RANBP2: variants seen among roughly 807,000 people sequenced by gnomAD.
RANBP2 encodes the protein RAN binding protein 2, also known as E3 SUMO-protein ligase RanBP2.
Under a neutral mutation model 303.6 loss-of-function variants are expected in RANBP2, and 57 were observed. The ratio of observed to expected loss-of-function variants is 0.19; its 90% CI spans 0.15 to 0.23. The LOEUF (loss-of-function observed/expected upper bound fraction) is 0.23. Ranked by LOEUF, RANBP2 falls within the 10% of genes least tolerant of loss-of-function variation. RANBP2 has a pLI of 1.00. For missense variants in RANBP2, 3,138 were observed against 3,780.8 expected (o/e 0.83, Z 4.46); for synonymous variants, 1,167 against 1,301.5 (o/e 0.90, Z 2.23).
At chr2:108,748,539 C>G (rs1010603543) in intron 8 of RANBP2, among the ~76,000 whole-genome samples, 4 of 151,978 alleles carry the variant, frequency 2.6e-5, no homozygotes, top group Non-Finnish European at 5.9e-5. Flanking sequence ...TTCTTAAAAG[C>G]TGTTTAAAGG....
the RANBP2 span, among the ~76,000 whole-genome samples, chr2:109,057,995 G>A: frequency 6.6e-6 from 1 of 152,186 alleles, no homozygotes; most frequent in African/African-American, 2.4e-5. Flanking sequence ...GCTGCGGAGG[G>A]GCAGGAGCAG....
chr2:109,360,596 G>T, the RANBP2 span, among the ~76,000 whole-genome samples: 2,753 of 152,232 alleles, frequency 0.018, 80 homozygotes, highest in African/African-American at 0.057. Flanking sequence ...AACACTTTTG[G>T]TCTCAAGCAT....
the RANBP2 span, among the ~76,000 whole-genome samples, chr2:109,295,795 C>T: frequency 6.6e-6 from 1 of 152,118 alleles, no homozygotes; most frequent in Admixed American, 6.5e-5. Context: ...TGGACTCTGG[C>T]CGGCTTTACG....
the RANBP2 span, among the ~76,000 whole-genome samples, chr2:109,042,136 TC>T: frequency 6.6e-6 from 1 of 152,200 alleles, no homozygotes; most frequent in Non-Finnish European, 1.5e-5. Context: ...GTTTAAGCTT[TC>T]TTCATTAAAT....
the RANBP2 span, among the ~76,000 whole-genome samples, chr2:109,275,629 CG>C: frequency 6.6e-6 from 1 of 152,190 alleles, no homozygotes; most frequent in Non-Finnish European, 1.5e-5. Context: ...GCCTGGGGAA[CG>C]GTTGCACTTC....
At chr2:109,262,104 C>T in the RANBP2 span, among the ~76,000 whole-genome samples, 5 of 152,142 alleles carry the variant, frequency 3.3e-5, no homozygotes, top group African/African-American at 9.7e-5. Flanking sequence ...CAGGTGCCCT[C>T]GGCCTCAGGG....
the RANBP2 span, chr2:109,504,019 A>G: frequency 6.6e-6 from 1 of 152,238 alleles, no homozygotes. Flanking sequence ...CTCTGGAGCC[A>G]ATGCCGGGCT....
the RANBP2 span, among the ~76,000 whole-genome samples, chr2:109,719,406 T>C: frequency 1.1e-5 from 1 of 88,432 alleles, no homozygotes; most frequent in Non-Finnish European, 2.2e-5. Context: ...GGCTGTGATA[T>C]ATCTTTTTTT....
chr2:109,510,627 G>A, the RANBP2 span, among the ~76,000 whole-genome samples: 2 of 152,172 alleles, frequency 1.3e-5, no homozygotes, highest in Admixed American at 1.3e-4. Context: ...TCCTAGCCGG[G>A]ACCAGGGGCT....
In RANBP2 at chr2:108,782,730, G is replaced by GATAA; in HGVS notation, c.9238_9241dup (p.Thr3081AsnfsTer15). 1 of 1,614,202 alleles carries GATAA rather than the reference G, an allele frequency of 6.2e-7. No homozygotes were observed. Among genetic ancestry groups the GATAA allele is most frequent in the East Asian group, 2.2e-5 (1 of 44,886 alleles). On this transcript the variant is annotated frameshift_variant, in exon 28 of 29. Transcript: ENST00000283195. LOFTEE classifies it high-confidence loss of function. ...GTGCGGACGGTGAACCTCTAGGGCG[G>GATAA]ATAACTATGGAATTATTTTCAAACA...
the RANBP2 span, among the ~76,000 whole-genome samples, chr2:108,838,345 A>G: frequency 1.3e-3 from 200 of 152,364 alleles, no homozygotes; most frequent in African/African-American, 4.6e-3. Flanking sequence ...ACATATATGT[A>G]TATACACACA....
At chr2:109,432,375 C>A in the RANBP2 span, 1 of 1,207,262 alleles carries the variant, frequency 8.3e-7, no homozygotes, top group Non-Finnish European at 1.2e-6. Context: ...CTGCAGAGCC[C>A]CCATAGACTC....
At chr2:109,107,602 C>A in the RANBP2 span, among the ~76,000 whole-genome samples, 6 of 152,164 alleles carry the variant, frequency 3.9e-5, no homozygotes, top group Admixed American at 1.3e-4. Context: ...ATAGGGTTTG[C>A]TTTTGAAGCC....
intron 6 of RANBP2, 140 bp downstream of exon 6, chr2:108,736,389 G>A (rs1257252094): frequency 1.3e-6 from 2 of 1,503,018 alleles, no homozygotes; most frequent in African/African-American, 1.4e-5. Context: ...TGAACAACTA[G>A]GAGGCAATCT....
intron 28 of RANBP2, among the ~76,000 whole-genome samples, chr2:108,783,186 C>G (rs1397966320): frequency 2.0e-5 from 3 of 151,292 alleles, no homozygotes. Flanking sequence ...CAAAAAAATA[C>G]AAAAATTAGC....
chr2:108,861,472 C>CTTTTTT, the RANBP2 span, among the ~76,000 whole-genome samples: 3 of 123,552 alleles, frequency 2.4e-5, 1 homozygote, highest in African/African-American at 7.7e-5. Context: ...AACTTTCTTC[C>CTTTTTT]TTTTTTTTTT....
intron 9 of RANBP2, 47 bp from the exon 10 acceptor site, chr2:108,751,217 A>T (rs757692322): frequency 1.4e-5 from 22 of 1,611,894 alleles, no homozygotes; most frequent in Non-Finnish European, 1.9e-5. Flanking sequence ...CTAATGGCAC[A>T]AGGAAAAATT....
the RANBP2 span, among the ~76,000 whole-genome samples, chr2:109,505,597 G>A: frequency 1.3e-5 from 2 of 152,338 alleles, no homozygotes; most frequent in East Asian, 1.9e-4. Context: ...GCCTGGCACT[G>A]TGGTAAGGAG....
At chr2:108,877,219 G>A in the RANBP2 span, among the ~76,000 whole-genome samples, 1 of 152,094 alleles carries the variant, frequency 6.6e-6, no homozygotes, top group Non-Finnish European at 1.5e-5. Context: ...TGTAATCCCA[G>A]CACTCTAGGA....
Sources: gnomAD v4.1 joint callset for allele counts (sites outside exome capture counted in the v4.1 genomes callset) on GRCh38, gnomAD v4.1.1 for gene constraint, MANE v1.5 for transcripts, NCBI Gene and HGNC (gene_info 2026-07-23, HGNC 2026-07-21) for gene names.